Variants in WDR27 observed in about 807,000 individuals in gnomAD.
The protein encoded by WDR27 is WD repeat-containing protein 27.
Under a neutral mutation model 114.4 loss-of-function variants are expected in WDR27, and 100 were observed. The ratio of observed to expected loss-of-function variants is 0.87; its 90% confidence interval spans 0.74 to 1.03. The LOEUF is 1.03. Ranked by LOEUF, WDR27 falls within the 50% of genes least tolerant of loss-of-function variation. The pLI is 0.00. For synonymous variants in WDR27, 449 were observed against 423.1 expected (o/e 1.06, Z -0.75); for missense variants, 1,129 against 1,092.9 (o/e 1.03, Z -0.47).
intron 25 of WDR27, among the ~76,000 whole-genome samples, chr6:169,478,233 C>T (rs1787465730): frequency 6.6e-6 from 1 of 152,068 alleles, no homozygotes; most frequent in African/African-American, 2.4e-5. Context: ...TTTACTTGTG[C>T]AACACAAGAA....
intron 10 of WDR27, among the ~76,000 whole-genome samples, chr6:169,660,261 G>A (rs896670005): frequency 7.2e-5 from 11 of 152,166 alleles, no homozygotes; most frequent in African/African-American, 2.4e-4. Context: ...GGGGAAGGGA[G>A]CCAGGGTTGG....
At chr6:169,654,739 A>C (rs552429618) in intron 13 of WDR27, among the ~76,000 whole-genome samples, 23 of 151,780 alleles carry the variant, frequency 1.5e-4, no homozygotes, top group South Asian at 1.0e-3. Context: ...GCACAGGAGG[A>C]GGCGCGCACA....
intron 9 of WDR27, 110 bp downstream of exon 9, chr6:169,662,194 C>A: frequency 7.9e-7 from 1 of 1,267,260 alleles, no homozygotes; most frequent in Non-Finnish European, 1.1e-6. Context: ...AATCAGAGAC[C>A]AAAATAATTT....
At chr6:169,434,012 A>G in the WDR27 span, among the ~76,000 whole-genome samples, 1 of 152,326 alleles carries the variant, frequency 6.6e-6, no homozygotes, top group Admixed American at 6.5e-5. Context: ...GATAGATTGC[A>G]AAAATTTTCT....
intron 1 of WDR27, among the ~76,000 whole-genome samples, chr6:169,699,911 G>C (rs1186466885): frequency 6.6e-6 from 1 of 152,060 alleles, no homozygotes; most frequent in Non-Finnish European, 1.5e-5. Flanking sequence ...GAGCCACGGA[G>C]GTTGAAGCTA....
the WDR27 span, among the ~76,000 whole-genome samples, chr6:169,438,949 T>C: frequency 1.3e-5 from 2 of 152,332 alleles, no homozygotes; most frequent in East Asian, 3.9e-4. Flanking sequence ...ATCACTCTGA[T>C]TAAATAATTA....
the WDR27 span, among the ~76,000 whole-genome samples, chr6:169,434,947 C>T: frequency 6.6e-6 from 1 of 152,244 alleles, no homozygotes; most frequent in African/African-American, 2.4e-5. Context: ...CCCCTTCTAT[C>T]ACAAGCCCAG....
At chr6:169,630,184 G>A (rs764487722) in intron 21 of WDR27, among the ~76,000 whole-genome samples, 10 of 152,150 alleles carry the variant, frequency 6.6e-5, no homozygotes, top group Non-Finnish European at 1.3e-4. Flanking sequence ...TTTAGACATT[G>A]CATTTTGAGA....
intron 4 of WDR27, among the ~76,000 whole-genome samples, chr6:169,669,221 T>C (rs949976395): frequency 6.6e-6 from 1 of 152,256 alleles, no homozygotes; most frequent in African/African-American, 2.4e-5. Flanking sequence ...TGTTGACTTG[T>C]TGAGTATGCT....
intron 24 of WDR27, among the ~76,000 whole-genome samples, chr6:169,575,470 T>C (rs569240379): frequency 6.6e-6 from 1 of 152,268 alleles, no homozygotes; most frequent in South Asian, 2.1e-4. Context: ...AACGTGTTTC[T>C]GTAACATGTG....
chr6:169,509,360 C>T (rs530360173), intron 25 of WDR27, among the ~76,000 whole-genome samples: 361 of 152,236 alleles, frequency 2.4e-3, no homozygotes, highest in South Asian at 3.9e-3. Context: ...GAAGGCATCA[C>T]GCTACCTGAC....
At chr6:169,689,086 GATA>G in intron 1 of WDR27, 74 bp from the exon 2 acceptor site, 1 of 1,019,676 alleles carries the variant, frequency 9.8e-7, no homozygotes, top group African/African-American at 1.6e-5. Context: ...ATTACCTACT[GATA>G]GTTACTAGTT....
intron 22 of WDR27, 51 bp downstream of exon 22, chr6:169,613,508 A>C: frequency 7.1e-7 from 1 of 1,412,886 alleles, no homozygotes; most frequent in Non-Finnish European, 1.0e-6. Context: ...GATTGAGCTT[A>C]TATCTCTTGA....
chr6:169,589,526 G>A (rs191718393), intron 23 of WDR27, among the ~76,000 whole-genome samples: 4 of 152,248 alleles, frequency 2.6e-5, no homozygotes, highest in East Asian at 1.9e-4. Context: ...GAGGTAAAAC[G>A]TATCCAGGAA....
the WDR27 span, among the ~76,000 whole-genome samples, chr6:169,451,921 T>C: frequency 6.6e-6 from 1 of 152,258 alleles, no homozygotes; most frequent in Non-Finnish European, 1.5e-5. Context: ...ACACGTCTTT[T>C]GGCTGATATA....
At chr6:169,465,478 AG>A (rs1459751430) in intron 25 of WDR27, among the ~76,000 whole-genome samples, 4 of 152,222 alleles carry the variant, frequency 2.6e-5, no homozygotes, top group Admixed American at 2.6e-4. Context: ...CTATGAAAAC[AG>A]TATGAATTTT....
intron 2 of WDR27, among the ~76,000 whole-genome samples, chr6:169,677,195 C>T (rs569988388): frequency 2.4e-4 from 36 of 152,322 alleles, no homozygotes; most frequent in African/African-American, 8.7e-4. Context: ...AGTTAAATGA[C>T]TGTGACCAAA....
At chr6:169,671,155 G>C (rs1324814457) in intron 3 of WDR27, 1 of 156,700 alleles carries the variant, frequency 6.4e-6, no homozygotes, top group East Asian at 1.9e-4. Context: ...CCAAGACCCG[G>C]ACATGTGCAG....
chr6:169,665,251 C>A, intron 7 of WDR27: 1 of 1,291,204 alleles, frequency 7.7e-7, no homozygotes, highest in South Asian at 2.2e-5. Flanking sequence ...TCCAGAACCA[C>A]GCATGGAGCT....
Sources: allele counts gnomAD v4.1 joint callset (sites outside exome capture counted in the v4.1 genomes callset), GRCh38; gene constraint gnomAD v4.1.1; transcripts MANE v1.5; gene names NCBI Gene and HGNC (gene_info 2026-07-23, HGNC 2026-07-21).